The following PKHD1 variants were observed in gnomAD, a reference collection of about 807,000 sequenced individuals.
PKHD1 encodes the protein fibrocystin.
PKHD1 carries 291 observed loss-of-function variants against 412.0 expected under a neutral mutation model. The observed-to-expected ratio is 0.71, with a 90% CI of 0.64 to 0.78. The LOEUF is 0.78. Among genes scored for constraint, PKHD1 ranks in the 30% least tolerant of loss-of-function variants. The pLI is 0.00. For synonymous variants in PKHD1, 1,777 were observed against 1,821.5 expected (o/e 0.98, Z 0.62); for missense variants, 4,825 against 4,950.7 (o/e 0.97, Z 0.76).
intron 60 of PKHD1, among the ~76,000 whole-genome samples, chr6:51,687,412 T>C (rs187838534): frequency 1.3e-5 from 2 of 152,324 alleles, no homozygotes; most frequent in African/African-American, 4.8e-5. Flanking sequence ...TATATATAAA[T>C]GTTGACAACA....
chr6:51,958,574 A>T (rs1370363454), intron 36 of PKHD1, among the ~76,000 whole-genome samples: 1 of 152,050 alleles, frequency 6.6e-6, no homozygotes, highest in Admixed American at 6.6e-5. Flanking sequence ...GTAATCCAAG[A>T]CTTTCAGCTG....
intron 35 of PKHD1, among the ~76,000 whole-genome samples, chr6:51,963,479 T>C (rs532339326): frequency 1.3e-4 from 20 of 152,270 alleles, no homozygotes; most frequent in African/African-American, 4.8e-4. Flanking sequence ...ATCTAAAAAT[T>C]ACTGCAGCAT....
At chr6:52,031,007 C>T (rs1305415968) in intron 29 of PKHD1, among the ~76,000 whole-genome samples, 1 of 152,084 alleles carries the variant, frequency 6.6e-6, no homozygotes, top group Non-Finnish European at 1.5e-5. Flanking sequence ...GACCAATAGG[C>T]AGGGCCTTTC....
At chr6:51,656,422 T>C (rs1378150390) in intron 61 of PKHD1, among the ~76,000 whole-genome samples, 1 of 152,020 alleles carries the variant, frequency 6.6e-6, no homozygotes, top group African/African-American at 2.4e-5. Flanking sequence ...GGCAGGTTGA[T>C]AGGTGCAGCA....
At chr6:51,932,784 A>C (rs1443168997) in intron 37 of PKHD1, among the ~76,000 whole-genome samples, 4 of 152,232 alleles carry the variant, frequency 2.6e-5, no homozygotes, top group Non-Finnish European at 4.4e-5. Flanking sequence ...TGTCTAGCAC[A>C]CTGGGTAGCC....
Position 52,025,412 on chromosome 6 carries a change from A to G in PKHD1, c.4398T>C (p.Asn1466=), listed in dbSNP as rs770503038. 1.2e-6 allele frequency: 2 copies of G among 1,609,838 alleles called. No individual in the cohort carries two copies. The highest frequency in any genetic ancestry group is 1.7e-6 in the Non-Finnish European group (2 of 1,177,140). Reference sequence around the variant, plus strand: ...TCCCCTGACACTCGCTGGTTAGCCCATTGACCAGGACTGTGACGTTCAGGG... The same window carrying G: ...TCCCCTGACACTCGCTGGTTAGCCCGTTGACCAGGACTGTGACGTTCAGGG... ...SFSLNVTVLV[N]GLTSECQGNC... Residue 1466 remains asparagine, a synonymous_variant, in exon 32 of 67, where the codon AAT becomes AAC. Coordinates refer to ENST00000371117, the MANE Select transcript of PKHD1 (RefSeq NM_138694.4).
chr6:52,065,231 G>A (rs1328591332), intron 12 of PKHD1, among the ~76,000 whole-genome samples, 181 bp from the exon 13 acceptor site: 3 of 140,848 alleles, frequency 2.1e-5, no homozygotes, highest in African/African-American at 5.5e-5. Context: ...GAGATGTGAT[G>A]GCAAGACCAG....
intron 4 of PKHD1, among the ~76,000 whole-genome samples, chr6:52,081,995 G>C (rs1244315979): frequency 2.0e-5 from 3 of 152,076 alleles, no homozygotes; most frequent in Non-Finnish European, 2.9e-5. Flanking sequence ...TCAGCAAACA[G>C]AGCCTAAAGC....
intron 60 of PKHD1, among the ~76,000 whole-genome samples, chr6:51,676,384 A>T (rs1775860370): frequency 6.6e-6 from 1 of 152,112 alleles, no homozygotes; most frequent in African/African-American, 2.4e-5. Flanking sequence ...AGAAAAATTT[A>T]TATGTTTAAA....
In PKHD1 at chr6:51,668,970, G is replaced by A. The variant is rs1003643598; in HGVS notation, c.10157-9001C>T. 6.6e-5 allele frequency among the ~76,000 whole-genome samples: 10 copies of A among 152,142 alleles called. 1 individual carries two copies. Among genetic ancestry groups the A allele is most frequent in the Non-Finnish European group, 1.3e-4 (9 of 68,034 alleles). On this transcript the variant is annotated intron_variant, in intron 60 of 66. Transcript: ENST00000371117. ...TGCCAGTATTTTATTGAGGATTTTT[G>A]CATCAATGTTCATCAAGGATATTGG...
At chr6:51,780,317 C>T (rs1192069773) in intron 53 of PKHD1, among the ~76,000 whole-genome samples, 1 of 151,474 alleles carries the variant, frequency 6.6e-6, no homozygotes, top group African/African-American at 2.4e-5. Flanking sequence ...ATCCCAGTTG[C>T]GGAGGTTGCA....
chr6:51,851,995 T>C (rs1772355042), intron 49 of PKHD1, among the ~76,000 whole-genome samples: 1 of 152,186 alleles, frequency 6.6e-6, no homozygotes. Flanking sequence ...AATTGTGATG[T>C]TAGGGTATCG....
intron 11 of PKHD1, among the ~76,000 whole-genome samples, chr6:52,068,381 C>T (rs12200541): frequency 0.035 from 5,306 of 152,252 alleles, 118 homozygotes; most frequent in South Asian, 0.084. Flanking sequence ...ATCAGAGATA[C>T]CTGTCAGCCT....
chr6:51,749,616 C>T (rs888638066), intron 57 of PKHD1, among the ~76,000 whole-genome samples: 2 of 152,070 alleles, frequency 1.3e-5, no homozygotes, highest in South Asian at 4.1e-4. Flanking sequence ...ATTCATACTC[C>T]TAATTTTCAA....
chr6:51,646,652 G>A (rs192495460), intron 63 of PKHD1, among the ~76,000 whole-genome samples: 37 of 152,182 alleles, frequency 2.4e-4, no homozygotes, highest in African/African-American at 8.2e-4. Flanking sequence ...TCCCAATCCA[G>A]TCTTCCCCAT....
chr6:51,629,681 T>C (rs903531785), intron 65 of PKHD1, among the ~76,000 whole-genome samples: 8 of 152,178 alleles, frequency 5.3e-5, no homozygotes, highest in Non-Finnish European at 8.8e-5. Flanking sequence ...AAAATTCATA[T>C]GTGATTTTCC....
intron 46 of PKHD1, among the ~76,000 whole-genome samples, chr6:51,871,973 T>C (rs1776036393): frequency 1.8e-5 from 1 of 54,520 alleles, no homozygotes; most frequent in Non-Finnish European, 6.6e-5. Context: ...AAGTATATTA[T>C]ATCCATGAAA....
intron 57 of PKHD1, among the ~76,000 whole-genome samples, chr6:51,752,316 G>A (rs149138571): frequency 1.9e-4 from 29 of 152,220 alleles, no homozygotes; most frequent in African/African-American, 6.7e-4. Flanking sequence ...ACCCATACAT[G>A]CCAGAAGCTC....
chr6:51,665,719 G>T (rs556705670), intron 60 of PKHD1, among the ~76,000 whole-genome samples: 6 of 152,260 alleles, frequency 3.9e-5, no homozygotes, highest in Non-Finnish European at 8.8e-5. Flanking sequence ...AAGGTAGATT[G>T]TTGTGTTTAG....
Sources: gnomAD v4.1 joint callset for allele counts (sites outside exome capture counted in the v4.1 genomes callset) on GRCh38, gnomAD v4.1.1 for gene constraint, MANE v1.5 for transcripts, NCBI Gene and HGNC (gene_info 2026-07-23, HGNC 2026-07-21) for gene names.